The following SLC22A15 variants were observed in gnomAD, a reference collection of about 807,000 sequenced individuals.
SLC22A15 encodes solute carrier family 22 member 15.
In SLC22A15, 45 loss-of-function variants were observed where a neutral mutation model predicts 62.7. The observed-to-expected ratio is 0.72, with a 90% CI of 0.56 to 0.92. The LOEUF (loss-of-function observed/expected upper bound fraction) is 0.92, where lower values mean the gene tolerates loss of function less well. SLC22A15 is among the 40% of genes least tolerant of loss of function. The pLI is 0.00. For synonymous variants in SLC22A15, 264 were observed against 267.0 expected, an observed-to-expected ratio of 0.99 and a Z score of 0.11; for missense variants, 622 against 665.6, an observed-to-expected ratio of 0.93 and a Z score of 0.72.
At chr1:116,045,444 AAGACTTACAAT>A (rs1330459297) in intron 8 of SLC22A15, among the ~76,000 whole-genome samples, 1 of 151,892 alleles carries the variant, frequency 6.6e-6, no homozygotes, top group Non-Finnish European at 1.5e-5. Flanking sequence ...ACCTGATTAT[AAGACTTACAAT>A]AGGCTGGGCA....
At chr1:116,018,996 C>T (rs1656685816) in intron 2 of SLC22A15, among the ~76,000 whole-genome samples, 1 of 152,166 alleles carries the variant, frequency 6.6e-6, no homozygotes, top group Non-Finnish European at 1.5e-5. Flanking sequence ...AGGTTGTTTC[C>T]ACCTTTAGCT....
At chr1:116,002,083 G>A (rs1046129663) in intron 2 of SLC22A15, among the ~76,000 whole-genome samples, 21 of 152,218 alleles carry the variant, frequency 1.4e-4, no homozygotes, top group African/African-American at 4.8e-4. Context: ...GTAGCACTGT[G>A]ACTCTTACAA....
At chr1:115,977,487 A>G (rs1019596009) in intron 1 of SLC22A15, among the ~76,000 whole-genome samples, 20 of 152,246 alleles carry the variant, frequency 1.3e-4, no homozygotes, top group African/African-American at 4.8e-4. Flanking sequence ...TCCTTCACCA[A>G]CTTAAATGGC....
intron 6 of SLC22A15, among the ~76,000 whole-genome samples, 185 bp from the exon 7 acceptor site, chr1:116,035,002 G>A (rs1315302138): frequency 2.0e-5 from 3 of 151,856 alleles, no homozygotes; most frequent in Middle Eastern, 3.4e-3. Flanking sequence ...TAATTTTTTT[G>A]TTTTTTCCTA....
chr1:116,006,516 A>G (rs1655992614), intron 2 of SLC22A15, among the ~76,000 whole-genome samples: 1 of 152,198 alleles, frequency 6.6e-6, no homozygotes, highest in African/African-American at 2.4e-5. Flanking sequence ...TTAAGGGCTG[A>G]GACAGCCTTC....
intron 8 of SLC22A15, among the ~76,000 whole-genome samples, chr1:116,047,754 C>T (rs1350284859): frequency 2.6e-5 from 4 of 152,088 alleles, no homozygotes; most frequent in Non-Finnish European, 4.4e-5. Flanking sequence ...TAGACCTTCC[C>T]TCTGACAGAT....
In SLC22A15 at chr1:116,068,624, A is replaced by C. The variant is rs1016338496; in HGVS notation, c.*1516A>C. On this transcript the variant is annotated 3_prime_UTR_variant, in exon 12 of 12. Transcript: ENST00000369503. ...CTGTTTATTTTTCCCTGCTGTGCCC[A>C]GAACATTGGCGTAGACACAGTAAGA... 2.6e-5 allele frequency: 4 copies of C among 152,202 alleles called. No individual in the cohort carries two copies. 9.4% of individuals were successfully genotyped at this position (152,202 alleles called of 1,614,324 possible). A position where few individuals can be genotyped will look rare whatever the true frequency, so the allele number is the denominator to read the frequency against.
rs199937997 is a variant in SLC22A15, at chr1:115,992,176, C to T, written c.233C>T (p.Thr78Ile). The change falls in exon 2 of 12, where the codon ACA becomes ATA. Residue 78 changes from threonine to isoleucine, a missense_variant. By Grantham distance (89) the Thr-to-Ile change is moderately conservative (BLOSUM62 -1). Coordinates refer to ENST00000369503, the MANE Select transcript of SLC22A15 (RefSeq NM_018420.3). ...EDQAFGDWLL[T>I]ANGSEIHKHV... is the part of the protein sequence containing the mutation. ...CAGGCCTTTGGGGACTGGCTCCTGA[C>T]AGCCAACGGCAGTGAGATCCATAAG... is the stretch of plus-strand genomic sequence containing the variant. 9.8e-5 allele frequency: 158 copies of T among 1,611,324 alleles called. No homozygotes were observed. The highest frequency in any genetic ancestry group is 2.5e-5 in the Non-Finnish European group (29 of 1,178,694).
At chr1:116,059,230 T>C (rs1049287895) in intron 8 of SLC22A15, among the ~76,000 whole-genome samples, 2 of 152,122 alleles carry the variant, frequency 1.3e-5, no homozygotes, top group African/African-American at 4.8e-5. Context: ...ACATTGCTAG[T>C]AAAAATACAA....
At chr1:116,030,459 AC>A (rs1460648830) in intron 5 of SLC22A15, among the ~76,000 whole-genome samples, 7 of 152,290 alleles carry the variant, frequency 4.6e-5, no homozygotes, top group African/African-American at 9.6e-5. Context: ...TAAAAAAAAA[AC>A]AACCTTGATT....
intron 5 of SLC22A15, among the ~76,000 whole-genome samples, chr1:116,029,686 G>A (rs187858166): frequency 2.8e-4 from 43 of 152,228 alleles, no homozygotes; most frequent in Middle Eastern, 3.4e-3. Context: ...TAAAGCCTTC[G>A]TGTCTCTCAA....
intron 1 of SLC22A15, among the ~76,000 whole-genome samples, chr1:115,985,005 G>A (rs1368257919): frequency 1.3e-5 from 2 of 152,114 alleles, no homozygotes; most frequent in African/African-American, 2.4e-5. Context: ...GCTACAGTAA[G>A]TTTAATTATT....
intron 8 of SLC22A15, among the ~76,000 whole-genome samples, chr1:116,041,519 C>T (rs915598857): frequency 6.6e-6 from 1 of 152,120 alleles, no homozygotes; most frequent in African/African-American, 2.4e-5. Context: ...CTGCATAGGA[C>T]AGGCAATGAT....
intron 8 of SLC22A15, among the ~76,000 whole-genome samples, chr1:116,049,513 C>G (rs1010298784): frequency 6.6e-6 from 1 of 152,072 alleles, no homozygotes; most frequent in Non-Finnish European, 1.5e-5. Flanking sequence ...AGGTCAAAAA[C>G]AAAATCAAGA....
chr1:116,042,379 G>A (rs1404485677), intron 8 of SLC22A15, among the ~76,000 whole-genome samples: 1 of 151,826 alleles, frequency 6.6e-6, no homozygotes. Context: ...TACAGTAGAT[G>A]AGATTAGCAA....
intron 8 of SLC22A15, among the ~76,000 whole-genome samples, chr1:116,052,962 CAG>C (rs1251953652): frequency 1.3e-5 from 2 of 152,106 alleles, no homozygotes; most frequent in East Asian, 1.9e-4. Context: ...GGGGAAAAAA[CAG>C]AGCAGAAAAA....
intron 1 of SLC22A15, among the ~76,000 whole-genome samples, chr1:115,983,423 GATGTGTGTGTGTGTGTGCACGCGCAC>G (rs1173984107): frequency 6.6e-6 from 1 of 151,994 alleles, no homozygotes; most frequent in African/African-American, 2.4e-5. Flanking sequence ...CTAGGATGGA[GATGTGTGTGTGTGTGTGCACGCGCAC>G]ATGTGTGTGT....
chr1:116,019,972 C>T (rs1287583310), intron 3 of SLC22A15, among the ~76,000 whole-genome samples: 1 of 152,106 alleles, frequency 6.6e-6, no homozygotes, highest in East Asian at 1.9e-4. Context: ...CTTTCTGCAA[C>T]CCCCAAATTT....
chr1:116,050,357 C>T (rs1392726134), intron 8 of SLC22A15, among the ~76,000 whole-genome samples: 1 of 152,130 alleles, frequency 6.6e-6, no homozygotes, highest in African/African-American at 2.4e-5. Flanking sequence ...AAAATACTAG[C>T]TAACCAAATC....
Sources: gnomAD v4.1 joint callset for allele counts (sites outside exome capture counted in the v4.1 genomes callset) on GRCh38, gnomAD v4.1.1 for gene constraint, MANE v1.5 for transcripts, NCBI Gene and HGNC (gene_info 2026-07-23, HGNC 2026-07-21) for gene names.